QTRT2: variants seen among roughly 807,000 people sequenced by gnomAD.
The protein encoded by QTRT2 is queuine tRNA-ribosyltransferase domain containing 1.
In QTRT2, 32 loss-of-function variants were observed where a neutral mutation model predicts 44.8. The observed-to-expected ratio is 0.71, with a 90% CI of 0.54 to 0.96. The LOEUF is 0.96. QTRT2 is among the 40% of genes least tolerant of loss of function. QTRT2 has a pLI of 0.00. For synonymous variants in QTRT2, 182 were observed against 187.4 expected (o/e 0.97, Z 0.24); for missense variants, 461 against 503.1 (o/e 0.92, Z 0.80).
intron 6 of QTRT2, among the ~76,000 whole-genome samples, chr3:114,076,291 C>T (rs1200290424): frequency 6.6e-6 from 1 of 152,174 alleles, no homozygotes; most frequent in Non-Finnish European, 1.5e-5. Context: ...CTCAGCCTCC[C>T]GAATAGATGG....
chr3:114,075,859 A>C (rs575104061), intron 6 of QTRT2, among the ~76,000 whole-genome samples: 2 of 152,176 alleles, frequency 1.3e-5, no homozygotes, highest in African/African-American at 4.8e-5. Flanking sequence ...TTGTTTAGGA[A>C]GGCATTCCTT....
At chr3:114,062,272 G>A (rs2076897438) in intron 2 of QTRT2, among the ~76,000 whole-genome samples, 1 of 151,358 alleles carries the variant, frequency 6.6e-6, no homozygotes, top group Non-Finnish European at 1.5e-5. Flanking sequence ...AGGAGGCTGA[G>A]GTGGGAAGGT....
chr3:114,079,654 GAAGTT>G lies in QTRT2; in HGVS notation c.747-247_747-243del, dbSNP rs531779011. On this transcript the variant is annotated intron_variant, in intron 7 of 9. Transcript: ENST00000281273. ...TAAGATTAGATAACTAAAACTCAGAGAAGTTAAGTAATCTTTCCAAAGTGACACAG... is the reference window on the plus strand; with the variant it reads ...TAAGATTAGATAACTAAAACTCAGAGAAGTAATCTTTCCAAAGTGACACAG... 390 of 306,456 alleles carry G rather than the reference GAAGTT, an allele frequency of 1.3e-3. 1 individual carries two copies. Among genetic ancestry groups the G allele is most frequent in the African/African-American group, 7.7e-3 (349 of 45,098 alleles). 19.0% of individuals were successfully genotyped at this position (306,456 alleles called of 1,614,324 possible). A position where few individuals can be genotyped will look rare whatever the true frequency, so the allele number is the denominator to read the frequency against.
At chr3:114,064,144 A>G (rs893992803) in intron 2 of QTRT2, among the ~76,000 whole-genome samples, 2 of 152,036 alleles carry the variant, frequency 1.3e-5, no homozygotes, top group African/African-American at 4.8e-5. Flanking sequence ...GAACCCGAGA[A>G]GCAGAGGTTA....
chr3:114,075,540 G>GC (rs2077078395), intron 6 of QTRT2, among the ~76,000 whole-genome samples: 2 of 108,848 alleles, frequency 1.8e-5, no homozygotes, highest in Admixed American at 1.1e-4. Flanking sequence ...ACAGACCCTT[G>GC]CCCTGTCATC....
intron 9 of QTRT2, among the ~76,000 whole-genome samples, chr3:114,083,311 C>T (rs55635054): frequency 2.4e-5 from 2 of 85,032 alleles, no homozygotes; most frequent in African/African-American, 6.7e-5. Flanking sequence ...GCTGTTGCTG[C>T]TGCTGTTGTT....
intron 8 of QTRT2, among the ~76,000 whole-genome samples, chr3:114,080,435 T>G (rs1029180597): frequency 2.6e-5 from 4 of 152,228 alleles, no homozygotes; most frequent in Non-Finnish European, 4.4e-5. Context: ...GCAAACCCTA[T>G]GCTATTAAAA....
chr3:114,078,019 C>T (rs1031371371), intron 7 of QTRT2: 5 of 152,222 alleles, frequency 3.3e-5, no homozygotes, highest in African/African-American at 1.2e-4. Context: ...TTTAAAGATC[C>T]AAGTACAACT....
intron 4 of QTRT2, 169 bp downstream of exon 4, chr3:114,066,452 A>C: frequency 3.5e-6 from 2 of 567,836 alleles, no homozygotes; most frequent in Non-Finnish European, 6.4e-6. Flanking sequence ...AATAGGAAAC[A>C]GTTGCTGCTC....
chr3:114,065,451 C>T lies in QTRT2; in HGVS notation c.194C>T (p.Ser65Leu), dbSNP rs1373674853. The T allele has an allele frequency of 6.2e-7, 1 of 1,611,758 alleles. No individual in the cohort carries two copies. Among genetic ancestry groups the T allele is most frequent in the East Asian group, 2.2e-5 (1 of 44,870 alleles). The part of the protein sequence containing the change: ...GVPAMAQLTL[S>L]SLAEHHEVLT... ...CCTGCCATGGCTCAGCTTACGCTGT[C>T]ATCCCTGTAAGTGTTAGAACCAATG... The change falls in exon 3 of 10, where the codon TCA becomes TTA. Residue 65 changes from serine (S) to leucine (L), a missense_variant. By Grantham distance (145) the Ser-to-Leu change is moderately radical. Transcript: ENST00000281273.
At chr3:114,068,818 TG>T (rs1302800966) in intron 5 of QTRT2, among the ~76,000 whole-genome samples, 1 of 152,052 alleles carries the variant, frequency 6.6e-6, no homozygotes, top group African/African-American at 2.4e-5. Flanking sequence ...TAGGCCAAGG[TG>T]GGTAGATGGC....
chr3:114,068,136 G>C (rs760942780), intron 5 of QTRT2, 73 bp downstream of exon 5: 115 of 1,161,596 alleles, frequency 9.9e-5, no homozygotes, highest in Middle Eastern at 7.8e-4. Flanking sequence ...TCCCTCAGAT[G>C]CTCAGATCCC....
rs2077238953 is a variant in QTRT2 at position 114,086,503 on chromosome 3, C to T, written c.*599C>T. The T allele has an allele frequency of 6.4e-6, 1 of 155,242 alleles. No homozygotes were observed. 9.6% of individuals were successfully genotyped at this position (155,242 alleles called of 1,614,324 possible). ...CATTGCTCCTGTGATGATCATCTGTCCCAGGTCACACTCCTTCATTTGACC... is the reference window on the plus strand; with the variant it reads ...CATTGCTCCTGTGATGATCATCTGTTCCAGGTCACACTCCTTCATTTGACC... On this transcript the variant is annotated 3_prime_UTR_variant, in exon 10 of 10. Transcript: ENST00000281273.
chr3:114,065,846 A>C (rs756542933), intron 3 of QTRT2, among the ~76,000 whole-genome samples: 5 of 152,254 alleles, frequency 3.3e-5, no homozygotes, highest in African/African-American at 9.6e-5. Context: ...ACAGAACTAA[A>C]GTTAGATCAT....
intron 7 of QTRT2, 33 bp from the exon 8 acceptor site, chr3:114,079,873 C>T (rs201522052): frequency 2.0e-4 from 316 of 1,605,868 alleles, no homozygotes; most frequent in Non-Finnish European, 3.8e-5. Flanking sequence ...TTGCATTGTC[C>T]TCATGTCACT....
At chr3:114,078,767 T>C (rs947115465) in intron 7 of QTRT2, 1 of 152,252 alleles carries the variant, frequency 6.6e-6, no homozygotes, top group Non-Finnish European at 1.5e-5. Flanking sequence ...CCAGTGAGCA[T>C]TTCCTTTCAG....
rs755943137 is a variant in QTRT2 at position 114,085,718 on chromosome 3, C to T, written c.1062C>T (p.Tyr354=). Residue 354 remains tyrosine (Y), a synonymous_variant, in exon 10 of 10, where the codon TAC becomes TAT. Transcript: ENST00000281273. ...CGCTGGTGAGAGGATGTTCCTGTTA[C>T]TGCTGTAAGAATCACACTCGGGCAT... ...FNPLVRGCSC[Y]CCKNHTRAYI... 6.2e-7 allele frequency: 1 copy of T among 1,614,216 alleles called. No individual in the cohort carries two copies. Among genetic ancestry groups the T allele is most frequent in the South Asian group, 1.1e-5 (1 of 91,086 alleles).
chr3:114,062,700 A>T (rs2076904179), intron 2 of QTRT2, among the ~76,000 whole-genome samples: 1 of 152,216 alleles, frequency 6.6e-6, no homozygotes. Flanking sequence ...TGCTTGTCAG[A>T]AGCTTTGGTT....
chr3:114,067,581 A>G (rs2076970731), intron 4 of QTRT2, among the ~76,000 whole-genome samples: 1 of 152,220 alleles, frequency 6.6e-6, no homozygotes, highest in Admixed American at 6.5e-5. Context: ...ATTTATTATT[A>G]GTGAGATCAC....
Sources: allele counts gnomAD v4.1 joint callset (sites outside exome capture counted in the v4.1 genomes callset), GRCh38; gene constraint gnomAD v4.1.1; transcripts MANE v1.5; gene names NCBI Gene and HGNC (gene_info 2026-07-23, HGNC 2026-07-21).